The following ARK2N variants were observed in gnomAD, a reference collection of about 807,000 sequenced individuals.
ARK2N encodes the protein arkadia (RNF111) N-terminal like PKA signaling regulator 2N, also known as protein ARK2N.
chr18:46,193,010 A>C, the ARK2N span, among the ~76,000 whole-genome samples: 1 of 151,828 alleles, frequency 6.6e-6, no homozygotes, highest in Non-Finnish European at 1.5e-5. Context: ...CAGTCTGGCC[A>C]AATAGTGAAA....
At chr18:46,196,317 A>C in the ARK2N span, among the ~76,000 whole-genome samples, 1 of 146,882 alleles carries the variant, frequency 6.8e-6, no homozygotes, top group Non-Finnish European at 1.5e-5. Flanking sequence ...GATAGAGTGC[A>C]GTGGCGTGAT....
At chr18:46,226,888 A>G in the ARK2N span, among the ~76,000 whole-genome samples, 1 of 151,222 alleles carries the variant, frequency 6.6e-6, no homozygotes, top group Non-Finnish European at 1.5e-5. Context: ...GCCCACTGCA[A>G]CCTCTGCCTC....
At chr18:46,197,685 A>G in the ARK2N span, among the ~76,000 whole-genome samples, 2 of 152,208 alleles carry the variant, frequency 1.3e-5, no homozygotes, top group South Asian at 2.1e-4. Context: ...TCCTGTATAT[A>G]TACCCAACAT....
the ARK2N span, among the ~76,000 whole-genome samples, chr18:46,224,331 T>C: frequency 6.6e-6 from 1 of 152,144 alleles, no homozygotes; most frequent in Non-Finnish European, 1.5e-5. Flanking sequence ...GACCCAGAGG[T>C]ATTCTGTATC....
chr18:46,242,917 A>G, the ARK2N span, among the ~76,000 whole-genome samples: 7 of 152,180 alleles, frequency 4.6e-5, no homozygotes, highest in East Asian at 1.3e-3. Flanking sequence ...GTTTTTTGGT[A>G]TATGTATATG....
the ARK2N span, among the ~76,000 whole-genome samples, chr18:46,177,431 C>CTTTTT: frequency 3.4e-5 from 3 of 89,318 alleles, no homozygotes; most frequent in Non-Finnish European, 6.8e-5. Flanking sequence ...TTTTTCTTTA[C>CTTTTT]TTTTTTTTTT....
the ARK2N span, among the ~76,000 whole-genome samples, chr18:46,256,427 AT>A: frequency 6.6e-6 from 1 of 151,374 alleles, no homozygotes; most frequent in African/African-American, 2.4e-5. Context: ...TTAAAAAAAA[AT>A]ATTTTTGTAT....
At chr18:46,196,462 C>A in the ARK2N span, among the ~76,000 whole-genome samples, 3 of 150,516 alleles carry the variant, frequency 2.0e-5, no homozygotes, top group East Asian at 5.9e-4. Flanking sequence ...AGGGTTTCAC[C>A]ATGTTAGCCA....
the ARK2N span, among the ~76,000 whole-genome samples, chr18:46,187,530 CAG>C: frequency 2.6e-5 from 4 of 151,964 alleles, no homozygotes; most frequent in Non-Finnish European, 2.9e-5. Context: ...TTAGTAGACA[CAG>C]GGTTTCACCA....
At chr18:46,230,497 A>G in the ARK2N span, among the ~76,000 whole-genome samples, 11 of 152,328 alleles carry the variant, frequency 7.2e-5, no homozygotes, top group East Asian at 1.5e-3. Context: ...TTTGTACTCT[A>G]TGAAGGGTTA....
the ARK2N span, among the ~76,000 whole-genome samples, chr18:46,226,783 A>T: frequency 1.1e-4 from 17 of 151,712 alleles, no homozygotes; most frequent in East Asian, 3.1e-3. Context: ...GGTTTTTTAA[A>T]ACTGGGTTTT....
At chr18:46,264,556 AT>A in the ARK2N span, 1 of 152,318 alleles carries the variant, frequency 6.6e-6, no homozygotes, top group African/African-American at 2.4e-5. Flanking sequence ...GAGAATTACC[AT>A]TTTCAGTTTT....
At chr18:46,211,617 C>T in the ARK2N span, among the ~76,000 whole-genome samples, 2 of 151,972 alleles carry the variant, frequency 1.3e-5, no homozygotes, top group Non-Finnish European at 2.9e-5. Flanking sequence ...ATGAATGGTC[C>T]AGTTGGGTGT....
chr18:46,248,385 G>A, the ARK2N span, among the ~76,000 whole-genome samples: 5 of 152,264 alleles, frequency 3.3e-5, no homozygotes, highest in Admixed American at 3.3e-4. Context: ...GCAGTGGGTG[G>A]CTGGAGCAAA....
the ARK2N span, among the ~76,000 whole-genome samples, chr18:46,206,858 T>C: frequency 0.019 from 2,930 of 151,756 alleles, 73 homozygotes; most frequent in African/African-American, 0.06. Context: ...CTCACTGCGG[T>C]CTTGACCTCC....
the ARK2N span, among the ~76,000 whole-genome samples, chr18:46,199,946 T>C: frequency 6.6e-6 from 1 of 152,152 alleles, no homozygotes; most frequent in Non-Finnish European, 1.5e-5. Context: ...GATTTCTAGC[T>C]CGTTGTTTCT....
the ARK2N span, among the ~76,000 whole-genome samples, chr18:46,202,308 G>A: frequency 6.6e-6 from 1 of 152,046 alleles, no homozygotes; most frequent in African/African-American, 2.4e-5. Flanking sequence ...TGCCCTTTTT[G>A]GGTAGCATGC....
the ARK2N span, among the ~76,000 whole-genome samples, chr18:46,191,294 T>G: frequency 1.3e-5 from 2 of 152,194 alleles, no homozygotes; most frequent in Admixed American, 6.5e-5. Context: ...TAGTCTGGCA[T>G]ATTTGTTACA....
At chr18:46,210,786 T>C in the ARK2N span, among the ~76,000 whole-genome samples, 1 of 152,024 alleles carries the variant, frequency 6.6e-6, no homozygotes, top group Admixed American at 6.6e-5. Flanking sequence ...GGCTTGCACC[T>C]GTAGTCTCAG....
Sources: gnomAD v4.1 joint callset for allele counts (sites outside exome capture counted in the v4.1 genomes callset) on GRCh38, gnomAD v4.1.1 for gene constraint, MANE v1.5 for transcripts, NCBI Gene and HGNC (gene_info 2026-07-23, HGNC 2026-07-21) for gene names.